Variants in RPTOR observed in about 807,000 individuals in gnomAD.
RPTOR encodes the protein regulatory associated protein of MTOR complex 1, also known as regulatory-associated protein of mTOR.
A neutral mutation model predicts 169.9 loss-of-function variants in RPTOR; 21 were observed. The observed-to-expected ratio is 0.12, with a 90% CI of 0.09 to 0.18. The LOEUF is 0.18. Among genes scored for constraint, RPTOR ranks in the 10% least tolerant of loss-of-function variants. The pLI, the probability that RPTOR is intolerant of heterozygous loss-of-function variation, is 1.00. For synonymous variants in RPTOR, 732 were observed against 753.2 expected (o/e 0.97, Z 0.46); for missense variants, 1,133 against 1,855.9 (o/e 0.61, Z 7.16).
At chr17:80,549,695 CTT>C (rs2084321874) in intron 1 of RPTOR, among the ~76,000 whole-genome samples, 1 of 152,210 alleles carries the variant, frequency 6.6e-6, no homozygotes, top group Non-Finnish European at 1.5e-5. Flanking sequence ...TCAGATGACT[CTT>C]TTGCCTGGAA....
At chr17:80,887,299 G>A (rs896105250) in intron 17 of RPTOR, among the ~76,000 whole-genome samples, 31 of 139,620 alleles carry the variant, frequency 2.2e-4, no homozygotes, top group Non-Finnish European at 3.1e-4. Context: ...CACCTCGGGG[G>A]GTGCGCTGGC....
chr17:80,653,719 G>C (rs2065658369), intron 3 of RPTOR, among the ~76,000 whole-genome samples: 1 of 152,244 alleles, frequency 6.6e-6, no homozygotes, highest in Non-Finnish European at 1.5e-5. Context: ...CCACTCAGCA[G>C]TTACGCTGCA....
chr17:80,959,205 A>C lies in RPTOR; in HGVS notation c.3478-873A>C, dbSNP rs1242643244. On this transcript the variant is annotated intron_variant, in intron 29 of 33. Transcript: ENST00000306801. The surrounding 1 kb of genome is among the most constrained non-coding windows in gnomAD (Gnocchi z 6.7). ...ATCCCTCGAGGCACCAGCAGCTTTC[A>C]TGGCACCTTCTTTGGGGTGGGGGGG... Among the ~76,000 whole-genome samples the C allele has an allele frequency of 1.3e-5, 2 of 152,062 alleles. No individual in the cohort carries two copies. The highest frequency in any genetic ancestry group is 1.9e-4 in the East Asian group (1 of 5,178).
At chr17:80,849,530 A>AT (rs1014481254) in intron 11 of RPTOR, among the ~76,000 whole-genome samples, 4 of 152,070 alleles carry the variant, frequency 2.6e-5, no homozygotes, top group South Asian at 4.1e-4. Flanking sequence ...GATGGTGTCT[A>AT]TTTTTTTGAG....
Position 80,601,044 on chromosome 17 carries a change from G to A in RPTOR, c.163-24647G>A, listed in dbSNP as rs77666071. Among the ~76,000 whole-genome samples, 350 of 152,280 alleles carry A rather than the reference G, an allele frequency of 2.3e-3. 1 individual carries two copies. The highest frequency in any genetic ancestry group is 8.2e-3 in the African/African-American group (339 of 41,554). On this transcript the variant is annotated intron_variant, in intron 1 of 33. Transcript: ENST00000306801. ...GGATGGGAAATGGCGCTCTTGGCTG[G>A]TGTGCTGAGGACGACATACCGTTCA...
chr17:80,837,095 C>T (rs567417530), intron 9 of RPTOR, among the ~76,000 whole-genome samples: 14 of 152,080 alleles, frequency 9.2e-5, no homozygotes, highest in African/African-American at 2.9e-4. Context: ...TTCACCGTGA[C>T]GGGAAGGAGG....
chr17:80,743,539 C>T (rs533661543), intron 5 of RPTOR: 1 of 794,082 alleles, frequency 1.3e-6, no homozygotes, highest in East Asian at 1.3e-4. Context: ...AAGAGGTCAT[C>T]AGTTCTTGGG....
At chr17:80,809,696 T>G (rs2067253731) in intron 7 of RPTOR, among the ~76,000 whole-genome samples, 1 of 152,190 alleles carries the variant, frequency 6.6e-6, no homozygotes, top group Non-Finnish European at 1.5e-5. Flanking sequence ...TTGTCCTATC[T>G]ATACATTGTG....
At chr17:80,776,971 G>A (rs777427415) in intron 6 of RPTOR, among the ~76,000 whole-genome samples, 4 of 152,220 alleles carry the variant, frequency 2.6e-5, no homozygotes, top group Non-Finnish European at 5.9e-5. Flanking sequence ...GGGCGTGGTG[G>A]CTCACGCCTG....
chr17:80,626,734 T>TTA (rs1555598709), intron 2 of RPTOR, among the ~76,000 whole-genome samples: 2 of 146,530 alleles, frequency 1.4e-5, no homozygotes, highest in African/African-American at 5.0e-5. Context: ...TTTTTTTTTT[T>TTA]AATTGTGGTA....
chr17:80,548,529 C>A (rs958060528), intron 1 of RPTOR, among the ~76,000 whole-genome samples: 1 of 151,516 alleles, frequency 6.6e-6, no homozygotes, highest in Non-Finnish European at 1.5e-5. Flanking sequence ...TTACAGGCGC[C>A]TGGCTAGTTT....
chr17:80,745,543 C>T (rs2066564174), intron 5 of RPTOR, among the ~76,000 whole-genome samples: 1 of 152,164 alleles, frequency 6.6e-6, no homozygotes, highest in South Asian at 2.1e-4. Flanking sequence ...TGCATCTGCT[C>T]TTTTTGGTAC....
intron 7 of RPTOR, among the ~76,000 whole-genome samples, chr17:80,804,100 T>C (rs960542382): frequency 6.6e-6 from 1 of 152,196 alleles, no homozygotes; most frequent in African/African-American, 2.4e-5. Flanking sequence ...CTGCATCAGA[T>C]GGGGAAACTG....
At chr17:80,851,126 A>G (rs949063769) in intron 11 of RPTOR, among the ~76,000 whole-genome samples, 7 of 152,070 alleles carry the variant, frequency 4.6e-5, no homozygotes, top group Admixed American at 3.9e-4. Context: ...ACGGGGTTTC[A>G]CCATGTTGGG....
chr17:80,959,758 C>T lies in RPTOR; in HGVS notation c.3478-320C>T, dbSNP rs1278104515. Reference sequence around the variant, plus strand: ...ACTGACAGCCAGTCCTTCCCAGAGGCGTTTGCAGGCCTCCGCTCGGGGTGG... The same window carrying T: ...ACTGACAGCCAGTCCTTCCCAGAGGTGTTTGCAGGCCTCCGCTCGGGGTGG... On this transcript the variant is annotated intron_variant, in intron 29 of 33. Coordinates refer to ENST00000306801, the MANE Select transcript of RPTOR (RefSeq NM_020761.3). This position sits in a 1 kb window ranked among gnomAD's most constrained non-coding sequence, Gnocchi z 6.7. 2.0e-5 allele frequency among the ~76,000 whole-genome samples: 3 copies of T among 152,220 alleles called. No individual in the cohort carries two copies. Among genetic ancestry groups the T allele is most frequent in the Non-Finnish European group, 4.4e-5 (3 of 68,032 alleles).
intron 7 of RPTOR, among the ~76,000 whole-genome samples, chr17:80,811,125 G>A (rs2333990): frequency 0.16 from 24,139 of 152,142 alleles, 2,002 homozygotes; most frequent in Middle Eastern, 0.22. Flanking sequence ...TTAAATGGAC[G>A]CAATACAGCT....
At chr17:80,580,766 G>T (rs1284168451) in intron 1 of RPTOR, among the ~76,000 whole-genome samples, 2 of 152,136 alleles carry the variant, frequency 1.3e-5, no homozygotes, top group Non-Finnish European at 2.9e-5. Flanking sequence ...GGGACCACAG[G>T]TGCATGCCAC....
intron 28 of RPTOR, among the ~76,000 whole-genome samples, chr17:80,951,507 C>T (rs2069178211): frequency 6.6e-6 from 1 of 152,218 alleles, no homozygotes; most frequent in African/African-American, 2.4e-5. Context: ...GCTCCAGGCC[C>T]CAGTCCCCGA....
chr17:80,902,576 G>A (rs550405477), intron 20 of RPTOR, among the ~76,000 whole-genome samples: 24 of 152,200 alleles, frequency 1.6e-4, no homozygotes, highest in African/African-American at 5.1e-4. Flanking sequence ...CACCTGTCCC[G>A]GCCCCCAGCC....
Sources: gnomAD v4.1 joint callset for allele counts (sites outside exome capture counted in the v4.1 genomes callset) on GRCh38, gnomAD v4.1.1 for gene constraint, Gnocchi (gnomAD v3.1) non-coding constraint, MANE v1.5 for transcripts, NCBI Gene and HGNC (gene_info 2026-07-23, HGNC 2026-07-21) for gene names.